The following ARHGEF3 variants were observed in gnomAD, a reference collection of about 807,000 sequenced individuals.
ARHGEF3 encodes Rho guanine nucleotide exchange factor 3, also known as 59.8 kDA protein.
A neutral mutation model predicts 63.2 loss-of-function variants in ARHGEF3; 28 were observed. The ratio of observed to expected loss-of-function variants is 0.44; its 90% CI spans 0.33 to 0.61. The LOEUF (loss-of-function observed/expected upper bound fraction) is 0.61, where lower values mean the gene tolerates loss of function less well. Ranked by LOEUF, ARHGEF3 falls within the 20% of genes least tolerant of loss-of-function variation. The probability of loss-of-function intolerance (pLI) is 0.03; values close to 1 mark genes in which losing one functional copy is unlikely to be tolerated. For missense variants in ARHGEF3, 533 were observed against 659.3 expected (o/e 0.81, Z 2.10); for synonymous variants, 266 against 254.2 (o/e 1.05, Z -0.44).
chr3:56,735,463 C>A (rs2033547960), intron 8 of ARHGEF3, among the ~76,000 whole-genome samples: 4 of 152,114 alleles, frequency 2.6e-5, no homozygotes, highest in South Asian at 2.1e-4. Flanking sequence ...AAGCCTCCCA[C>A]CCCAACTATC....
intron 4 of ARHGEF3, among the ~76,000 whole-genome samples, chr3:56,831,560 G>T (rs1427051649): frequency 6.6e-6 from 1 of 152,204 alleles, no homozygotes; most frequent in Non-Finnish European, 1.5e-5. Context: ...TAACAGTGTG[G>T]TTGTGTTACA....
chr3:56,761,257 G>A (rs1160151791), intron 2 of ARHGEF3, among the ~76,000 whole-genome samples: 2 of 152,086 alleles, frequency 1.3e-5, no homozygotes, highest in Non-Finnish European at 2.9e-5. Flanking sequence ...CATACCATGA[G>A]CTACCCCTGA....
At chr3:56,809,266 G>A (rs1218413435) in intron 4 of ARHGEF3, among the ~76,000 whole-genome samples, 2 of 152,040 alleles carry the variant, frequency 1.3e-5, no homozygotes, top group Non-Finnish European at 2.9e-5. Context: ...ACTGCTTCAG[G>A]TACACAAATA....
intron 2 of ARHGEF3, among the ~76,000 whole-genome samples, chr3:56,978,101 C>T (rs560352504): frequency 6.6e-6 from 1 of 152,290 alleles, no homozygotes; most frequent in East Asian, 1.9e-4. Context: ...TGCGGTCACC[C>T]CCGCCCCGTA....
intron 2 of ARHGEF3, among the ~76,000 whole-genome samples, chr3:57,017,228 A>T (rs573422550): frequency 1.3e-5 from 2 of 152,150 alleles, no homozygotes; most frequent in Non-Finnish European, 2.9e-5. Context: ...GGAGTTGGCA[A>T]ATTCCATCAG....
chr3:56,822,572 C>T (rs17288936), intron 4 of ARHGEF3, among the ~76,000 whole-genome samples: 15,763 of 152,074 alleles, frequency 0.1, 960 homozygotes, highest in Admixed American at 0.22. Context: ...ATAAAAATCA[C>T]GGTTGTGGCC....
At chr3:56,798,503 A>C (rs913172563) in intron 1 of ARHGEF3, among the ~76,000 whole-genome samples, 184 of 149,730 alleles carry the variant, frequency 1.2e-3, no homozygotes, top group African/African-American at 4.5e-3. Flanking sequence ...CAATGTGTGC[A>C]CCTTACCTGA....
At position 56,790,798 on chromosome 3, in the gene ARHGEF3, T is replaced by C. The variant is rs28648873; in HGVS notation, c.96+10905A>G. On this transcript the variant is annotated intron_variant, in intron 1 of 9. Transcript: ENST00000296315. ...GCCCCCCTCGGCCATCTGGCCCAAC[T>C]CCATCTCTTTCTGCCACTAGCTTGT... Among the ~76,000 whole-genome samples, 1,504 of 152,306 alleles carry C rather than the reference T, an allele frequency of 9.9e-3. 23 individuals carry two copies. Among genetic ancestry groups the C allele is most frequent in the African/African-American group, 0.035 (1,437 of 41,550 alleles).
At chr3:57,057,813 G>A (rs1339712106) in intron 1 of ARHGEF3, among the ~76,000 whole-genome samples, 1 of 152,132 alleles carries the variant, frequency 6.6e-6, no homozygotes, top group Non-Finnish European at 1.5e-5. Context: ...TATAGAGTAA[G>A]TGAATGAATG....
At position 57,059,343 on chromosome 3, in the gene ARHGEF3, CACACATAAAA is replaced by C. The variant is rs1183805312; in HGVS notation, c.-28+19873_-28+19882del. Among the ~76,000 whole-genome samples, 3 of 151,796 alleles carry C rather than the reference CACACATAAAA, an allele frequency of 2.0e-5. No homozygotes were observed. The East Asian group carries it at 5.8e-4, about 29-fold the overall frequency. On this transcript the variant is annotated intron_variant, in intron 1 of 12. Coordinates refer to the ARHGEF3 transcript ENST00000338458. ...CACTGGAAGAAGAATTGTCTTGGGC[CACACATAAAA>C]TACACTAACACTAACAATAGCTGAT...
chr3:56,804,065 G>A (rs1250646500), upstream of ARHGEF3, among the ~76,000 whole-genome samples: 2 of 151,486 alleles, frequency 1.3e-5, no homozygotes, highest in African/African-American at 4.9e-5. Context: ...TTGTATTTTT[G>A]TAGAGACAGG....
intron 1 of ARHGEF3, among the ~76,000 whole-genome samples, chr3:56,794,059 GA>G (rs2037221046): frequency 6.6e-6 from 1 of 152,170 alleles, no homozygotes; most frequent in Non-Finnish European, 1.5e-5. Flanking sequence ...AAAGTTAAGG[GA>G]ACCAGGAATA....
At chr3:56,858,128 C>T (rs935866016) in intron 4 of ARHGEF3, among the ~76,000 whole-genome samples, 2 of 151,360 alleles carry the variant, frequency 1.3e-5, no homozygotes, top group Non-Finnish European at 2.9e-5. Flanking sequence ...TCTGTAGTCC[C>T]GGCTACTCAG....
intron 4 of ARHGEF3, among the ~76,000 whole-genome samples, chr3:56,808,407 T>G (rs180915399): frequency 6.6e-6 from 1 of 152,034 alleles, no homozygotes; most frequent in Non-Finnish European, 1.5e-5. Context: ...CATAATGAGA[T>G]CCCCATCTCT....
At chr3:56,818,450 TTCC>T (rs1578593368) in intron 4 of ARHGEF3, among the ~76,000 whole-genome samples, 1 of 152,262 alleles carries the variant, frequency 6.6e-6, no homozygotes, top group East Asian at 1.9e-4. Flanking sequence ...GGAAGCTAAA[TTCC>T]TCCTCTTGAA....
chr3:56,973,907 G>A (rs1262294304), intron 2 of ARHGEF3, among the ~76,000 whole-genome samples: 4 of 152,284 alleles, frequency 2.6e-5, no homozygotes, highest in East Asian at 1.9e-4. Flanking sequence ...GCAAGATAGC[G>A]AAAGCCTGTC....
intron 2 of ARHGEF3, among the ~76,000 whole-genome samples, chr3:57,021,767 A>T (rs1179273792): frequency 2.7e-5 from 4 of 149,076 alleles, no homozygotes; most frequent in East Asian, 1.9e-4. Context: ...AAAAAAAAAA[A>T]TTTATTCAGG....
intron 4 of ARHGEF3, among the ~76,000 whole-genome samples, chr3:56,837,989 G>T (rs930394057): frequency 6.6e-6 from 1 of 152,158 alleles, no homozygotes; most frequent in Non-Finnish European, 1.5e-5. Context: ...CCACTGCTGG[G>T]AATACAGCCT....
At chr3:56,992,393 A>AC (rs1701789673) in intron 2 of ARHGEF3, among the ~76,000 whole-genome samples, 4 of 113,688 alleles carry the variant, frequency 3.5e-5, no homozygotes, top group Admixed American at 1.8e-4. Flanking sequence ...AAAAAAAAAA[A>AC]AAAAAAAAAA....
Sources: allele counts gnomAD v4.1 joint callset (sites outside exome capture counted in the v4.1 genomes callset), GRCh38; gene constraint gnomAD v4.1.1; transcripts MANE v1.5; gene names NCBI Gene and HGNC (gene_info 2026-07-23, HGNC 2026-07-21).